The following ARHGAP26 variants were observed in gnomAD, a reference collection of about 807,000 sequenced individuals.
ARHGAP26 encodes rho GTPase-activating protein 26.
A neutral mutation model predicts 104.8 loss-of-function variants in ARHGAP26; 38 were observed. That is an observed-to-expected ratio of 0.36 (90% CI 0.28 to 0.48). ARHGAP26 has a LOEUF of 0.48. Among genes scored for constraint, ARHGAP26 ranks in the 20% least tolerant of loss-of-function variants. ARHGAP26 has a pLI of 0.99. For missense variants in ARHGAP26, 704 were observed against 947.9 expected, an observed-to-expected ratio of 0.74 and a Z score of 3.38; for synonymous variants, 341 against 340.0, an observed-to-expected ratio of 1.00 and a Z score of -0.03.
intron 17 of ARHGAP26, among the ~76,000 whole-genome samples, chr5:143,064,710 AC>A (rs1464163750): frequency 6.6e-6 from 1 of 152,170 alleles, no homozygotes; most frequent in Non-Finnish European, 1.5e-5. Flanking sequence ...ATTTAGCCTC[AC>A]CGCCAGACCT....
chr5:143,209,640 G>C (rs1382221956), intron 21 of ARHGAP26, among the ~76,000 whole-genome samples: 1 of 152,070 alleles, frequency 6.6e-6, no homozygotes, highest in Non-Finnish European at 1.5e-5. Flanking sequence ...AATTAGCCAG[G>C]CATGGTGGTG....
intron 1 of ARHGAP26, among the ~76,000 whole-genome samples, chr5:142,857,353 A>G (rs1752529839): frequency 1.3e-5 from 2 of 152,072 alleles, no homozygotes; most frequent in Admixed American, 6.5e-5. Flanking sequence ...TCATTCTTCA[A>G]GATTCCTGGG....
intron 1 of ARHGAP26, among the ~76,000 whole-genome samples, chr5:142,825,174 A>G (rs1021640032): frequency 6.6e-6 from 1 of 152,218 alleles, no homozygotes; most frequent in Non-Finnish European, 1.5e-5. Flanking sequence ...GATAGTTGTA[A>G]GGATTTAAAC....
At chr5:142,822,178 C>T (rs1597781503) in intron 1 of ARHGAP26, among the ~76,000 whole-genome samples, 1 of 152,188 alleles carries the variant, frequency 6.6e-6, no homozygotes, top group African/African-American at 2.4e-5. Context: ...TTGACTCACT[C>T]TCCATCTTTC....
chr5:143,147,136 A>T, intron 19 of ARHGAP26, 95 bp from the exon 20 acceptor site: 3 of 1,360,884 alleles, frequency 2.2e-6, no homozygotes, highest in Non-Finnish European at 3.0e-6. Flanking sequence ...AGAGATCTTG[A>T]TCCAGTCTTA....
intron 21 of ARHGAP26, among the ~76,000 whole-genome samples, chr5:143,211,554 C>CTTAT (rs934170297): frequency 3.8e-4 from 57 of 151,242 alleles, no homozygotes; most frequent in African/African-American, 1.2e-3. Context: ...TCTTGGCTTG[C>CTTAT]TTATTTATTT....
chr5:142,985,452 C>T (rs753772275), intron 11 of ARHGAP26, among the ~76,000 whole-genome samples: 1 of 152,120 alleles, frequency 6.6e-6, no homozygotes, highest in Non-Finnish European at 1.5e-5. Flanking sequence ...CCCAGAGCAA[C>T]TTCCAGTCCT....
chr5:143,210,775 A>G (rs1458351565), intron 21 of ARHGAP26, among the ~76,000 whole-genome samples: 1 of 152,104 alleles, frequency 6.6e-6, no homozygotes, highest in Non-Finnish European at 1.5e-5. Context: ...TTTGAGGGAA[A>G]CTCCTGTGAG....
chr5:142,779,443 G>A (rs1371759028), intron 1 of ARHGAP26, among the ~76,000 whole-genome samples: 1 of 152,058 alleles, frequency 6.6e-6, no homozygotes, highest in Admixed American at 6.6e-5. Context: ...GTGTGTGTGT[G>A]TGTTTTCTTT....
chr5:142,859,672 C>T (rs1355730778), intron 1 of ARHGAP26: 2 of 152,178 alleles, frequency 1.3e-5, no homozygotes, highest in Non-Finnish European at 2.9e-5. Flanking sequence ...AATCAGTTTT[C>T]ATTTTTCTTC....
At chr5:142,894,378 A>G in intron 6 of ARHGAP26, 30 bp downstream of exon 6, 12 of 1,580,508 alleles carry the variant, frequency 7.6e-6, no homozygotes, top group Non-Finnish European at 9.6e-6. Context: ...TTAATGATGT[A>G]CCCATATATT....
intron 10 of ARHGAP26, among the ~76,000 whole-genome samples, chr5:142,928,548 G>A (rs376246517): frequency 7.9e-5 from 12 of 152,190 alleles, no homozygotes; most frequent in Admixed American, 4.6e-4. Flanking sequence ...CTCTCTGGGG[G>A]CTGCGGTGCC....
intron 17 of ARHGAP26, among the ~76,000 whole-genome samples, chr5:143,066,760 T>C (rs1452023387): frequency 1.3e-5 from 2 of 152,226 alleles, no homozygotes; most frequent in Non-Finnish European, 2.9e-5. Context: ...TATTTTTGCC[T>C]TGCTTGTGTT....
At chr5:142,949,098 C>T (rs1178680356) in intron 11 of ARHGAP26, among the ~76,000 whole-genome samples, 2 of 146,024 alleles carry the variant, frequency 1.4e-5, no homozygotes, top group Admixed American at 7.0e-5. Context: ...GAGTGAGACT[C>T]CGTCTCAAAA....
intron 20 of ARHGAP26, among the ~76,000 whole-genome samples, chr5:143,162,001 C>T (rs1335839820): frequency 1.3e-5 from 2 of 152,176 alleles, no homozygotes; most frequent in Non-Finnish European, 2.9e-5. Flanking sequence ...AGTCTGTCAT[C>T]ATATCAGACG....
chr5:143,147,353 G>C lies in ARHGAP26; in HGVS notation c.1960G>C (p.Val654Leu). The change falls in exon 20 of 23, where the codon GTG becomes CTG. Residue 654 changes from valine to leucine, a missense_variant. This residue lies in a region of ARHGAP26 where 217 missense variants were observed against 242.6 expected (regional missense o/e 0.89). Coordinates refer to ENST00000645722, the MANE Select transcript of ARHGAP26 (RefSeq NM_001135608.3). ...GAACTCCAGTGACCCAGACCTGGCT[G>C]TGGTCAAACCCACCCGGCCCAACTC... ...NMNSSDPDLAVVKPTRPNSLP... is the reference protein window; with the variant it reads ...NMNSSDPDLALVKPTRPNSLP... 1.2e-6 allele frequency: 2 copies of C among 1,613,948 alleles called. No homozygotes were observed. Among genetic ancestry groups the C allele is most frequent in the Non-Finnish European group, 1.7e-6 (2 of 1,179,914 alleles).
chr5:143,156,731 G>C (rs1443700769), intron 20 of ARHGAP26, among the ~76,000 whole-genome samples: 1 of 152,244 alleles, frequency 6.6e-6, no homozygotes, highest in Non-Finnish European at 1.5e-5. Flanking sequence ...ATGATTGTCT[G>C]TGCAGTGATG....
chr5:143,159,506 T>C (rs532651358), intron 20 of ARHGAP26, among the ~76,000 whole-genome samples: 1 of 152,176 alleles, frequency 6.6e-6, no homozygotes, highest in South Asian at 2.1e-4. Flanking sequence ...GGGGAAAAAA[T>C]GGTGCAGGAC....
chr5:143,219,127 G>A (rs116227684), intron 22 of ARHGAP26, among the ~76,000 whole-genome samples: 507 of 152,344 alleles, frequency 3.3e-3, no homozygotes, highest in African/African-American at 0.012. Context: ...ATAGAGGCCT[G>A]ATACAGTGGG....
Sources: gnomAD v4.1 joint callset for allele counts (sites outside exome capture counted in the v4.1 genomes callset) on GRCh38, gnomAD v4.1.1 for gene constraint, gnomAD v4.1.1 regional missense constraint, MANE v1.5 for transcripts, NCBI Gene and HGNC (gene_info 2026-07-23, HGNC 2026-07-21) for gene names.